The following STK33 variants were observed in gnomAD, a reference collection of about 807,000 sequenced individuals.
STK33 encodes the protein serine/threonine kinase 33.
Under a neutral mutation model 58.0 loss-of-function variants are expected in STK33, and 52 were observed. That is an observed-to-expected ratio of 0.90 (90% CI 0.72 to 1.13). The LOEUF (loss-of-function observed/expected upper bound fraction) is 1.13. Ranked by LOEUF, STK33 falls within the 50% of genes most tolerant of loss-of-function variation. The probability of loss-of-function intolerance (pLI) is 0.00; values close to 1 mark genes in which losing one functional copy is unlikely to be tolerated. For synonymous variants in STK33, 215 were observed against 200.1 expected, an observed-to-expected ratio of 1.07 and a Z score of -0.63; for missense variants, 630 against 604.2, an observed-to-expected ratio of 1.04 and a Z score of -0.45.
rs34815448 is a variant in STK33, at chr11:8,526,971, C to CT, written c.-465-46358dup. Among the ~76,000 whole-genome samples, 106 of 127,620 alleles carry CT rather than the reference C, an allele frequency of 8.3e-4. 1 individual carries two copies. Among genetic ancestry groups the CT allele is most frequent in the East Asian group, 1.3e-3 (6 of 4,446 alleles). 83.7% of individuals were successfully genotyped at this position (127,620 alleles called of 152,430 possible). A position where few individuals can be genotyped will look rare whatever the true frequency, so the allele number is the denominator to read the frequency against. On this transcript the variant is annotated intron_variant, in intron 1 of 15. Transcript: ENST00000687296. ...GTAAAAGTAAAGACAGAGATTTCCT[C>CT]TTTTTTTTTTTTTTTTTGAGATTGA...
At chr11:8,408,350 G>A (rs546234586) in intron 15 of STK33, among the ~76,000 whole-genome samples, 9 of 152,328 alleles carry the variant, frequency 5.9e-5, no homozygotes, top group Non-Finnish European at 1.3e-4. Flanking sequence ...GCAAAAGTCA[G>A]GCTTGGGAAG....
chr11:8,523,346 G>A (rs958837805), intron 1 of STK33, among the ~76,000 whole-genome samples: 1 of 151,526 alleles, frequency 6.6e-6, no homozygotes, highest in Non-Finnish European at 1.5e-5. Context: ...TAGGAAGTGA[G>A]GAGCGTCTCT....
intron 1 of STK33, among the ~76,000 whole-genome samples, chr11:8,492,222 T>A (rs1297001658): frequency 1.3e-5 from 2 of 151,478 alleles, no homozygotes; most frequent in African/African-American, 2.4e-5. Context: ...GAGACACACA[T>A]AGGCTCAAAA....
intron 1 of STK33, among the ~76,000 whole-genome samples, chr11:8,592,931 G>A (rs1233275203): frequency 6.6e-6 from 1 of 152,172 alleles, no homozygotes; most frequent in Admixed American, 6.5e-5. Flanking sequence ...TAGTTAAGAG[G>A]CTACTACTGG....
At chr11:8,580,451 G>C (rs1565411863) in intron 1 of STK33, among the ~76,000 whole-genome samples, 1 of 151,794 alleles carries the variant, frequency 6.6e-6, no homozygotes, top group Non-Finnish European at 1.5e-5. Context: ...GTTTTAGAAA[G>C]GATGGTTACT....
the STK33 span, among the ~76,000 whole-genome samples, chr11:8,365,728 A>C: frequency 6.6e-6 from 1 of 152,058 alleles, no homozygotes; most frequent in Admixed American, 6.5e-5. Flanking sequence ...GGTAGGAGGA[A>C]GTAGCCTGGC....
chr11:8,590,841 C>G (rs189364762), intron 1 of STK33, among the ~76,000 whole-genome samples: 7 of 152,278 alleles, frequency 4.6e-5, no homozygotes. Context: ...AAAGGAAATT[C>G]TTTCTGAATC....
chr11:8,385,774 A>G, the STK33 span, among the ~76,000 whole-genome samples: 6 of 148,878 alleles, frequency 4.0e-5, no homozygotes, highest in Non-Finnish European at 8.9e-5. Flanking sequence ...CTCTCAATCC[A>G]GTTCCTTTTT....
intron 14 of STK33, among the ~76,000 whole-genome samples, chr11:8,430,129 C>T (rs1943245205): frequency 6.6e-6 from 1 of 152,140 alleles, no homozygotes; most frequent in Non-Finnish European, 1.5e-5. Context: ...GGGTCTAGAA[C>T]AAAATAGCTC....
chr11:8,371,643 CCTTTCT>C, the STK33 span, among the ~76,000 whole-genome samples: 16 of 140,794 alleles, frequency 1.1e-4, no homozygotes, highest in East Asian at 4.2e-4. Context: ...CTTCTTTCTT[CCTTTCT>C]TTTCTTTTCT....
the STK33 span, among the ~76,000 whole-genome samples, chr11:8,380,869 T>TGTGGTATATATACACC: frequency 6.6e-6 from 1 of 152,186 alleles, no homozygotes; most frequent in South Asian, 2.1e-4. Flanking sequence ...ATTTTAAAAA[T>TGTGGTATATATACACC]GTGGTATATA....
chr11:8,586,709 A>G (rs1270817360), intron 1 of STK33, among the ~76,000 whole-genome samples: 1 of 151,074 alleles, frequency 6.6e-6, no homozygotes, highest in Non-Finnish European at 1.5e-5. Context: ...TTGTAATCCC[A>G]GTAACTCGGG....
intron 1 of STK33, among the ~76,000 whole-genome samples, chr11:8,504,325 A>G (rs1951720645): frequency 6.6e-6 from 1 of 152,242 alleles, no homozygotes; most frequent in South Asian, 2.1e-4. Context: ...TAAGAAGCAC[A>G]GAGAGCCCTT....
At chr11:8,496,700 G>A (rs529584058) in intron 1 of STK33, among the ~76,000 whole-genome samples, 251 of 151,286 alleles carry the variant, frequency 1.7e-3, no homozygotes, top group African/African-American at 5.6e-3. Context: ...TCAGCCTCCC[G>A]AGTAGCTGGG....
intron 14 of STK33, among the ~76,000 whole-genome samples, chr11:8,429,648 C>G (rs143064265): frequency 1.6e-4 from 25 of 152,276 alleles, no homozygotes; most frequent in African/African-American, 5.3e-4. Context: ...ATATCACACA[C>G]TGTTGCCAGA....
intron 1 of STK33, among the ~76,000 whole-genome samples, chr11:8,537,606 T>A (rs1304864137): frequency 6.6e-6 from 1 of 151,964 alleles, no homozygotes; most frequent in Non-Finnish European, 1.5e-5. Flanking sequence ...TAGAATAACA[T>A]GAGATTAAAA....
intron 14 of STK33, among the ~76,000 whole-genome samples, chr11:8,422,678 T>C (rs947474501): frequency 1.3e-5 from 2 of 152,178 alleles, no homozygotes; most frequent in African/African-American, 4.8e-5. Context: ...TATATTTTTC[T>C]AGGAAAAGAA....
Position 8,452,888 on chromosome 11 carries a change from C to T in STK33, c.805G>A (p.Ala269Thr), listed in dbSNP as rs776183937. The change falls in exon 11 of 16, where the codon GCG becomes ACG. Residue 269 changes from alanine to threonine, a missense_variant. By Grantham distance (58) the Ala-to-Thr change is moderately conservative. Coordinates refer to ENST00000687296, the MANE Select transcript of STK33 (RefSeq NM_001352389.2). ...TCACTCCTACTTTGCTTCTTCACCG[C>T]TAAGCCAAAATCAGTCACCTGGGAG... ...LNIKVTDFGL[A>T]VKKQSRSEAM... The T allele has an allele frequency of 6.2e-6, 10 of 1,614,022 alleles. 1 individual carries two copies. The South Asian group carries it at 6.6e-5, about 11-fold the overall frequency.
intron 1 of STK33, among the ~76,000 whole-genome samples, chr11:8,586,006 T>C (rs991024877): frequency 1.3e-5 from 2 of 151,944 alleles, no homozygotes; most frequent in African/African-American, 4.8e-5. Flanking sequence ...TGAACCAAGA[T>C]TGCGCCACTG....
Sources: allele counts gnomAD v4.1 joint callset (sites outside exome capture counted in the v4.1 genomes callset), GRCh38; gene constraint gnomAD v4.1.1; transcripts MANE v1.5; gene names NCBI Gene and HGNC (gene_info 2026-07-23, HGNC 2026-07-21).